The following CDAN1 variants were observed in gnomAD, a reference collection of about 807,000 sequenced individuals.
The protein encoded by CDAN1 is codanin 1.
CDAN1 carries 107 observed loss-of-function variants against 139.8 expected under a neutral mutation model. That is an observed-to-expected ratio of 0.77 (90% CI 0.65 to 0.90). The LOEUF is 0.90. Among genes scored for constraint, CDAN1 ranks in the 40% least tolerant of loss-of-function variants. The pLI is 0.00. For missense variants in CDAN1, 1,667 were observed against 1,575.7 expected, an observed-to-expected ratio of 1.06 and a Z score of -0.98; for synonymous variants, 776 against 660.6, an observed-to-expected ratio of 1.17 and a Z score of -2.68.
intron 8 of CDAN1, among the ~76,000 whole-genome samples, chr15:42,733,519 C>T (rs996447195): frequency 5.9e-5 from 9 of 152,164 alleles, no homozygotes; most frequent in South Asian, 2.1e-4. Flanking sequence ...TCAGGTGATC[C>T]GCCCCTCGGC....
In CDAN1 at chr15:42,735,986, C is replaced by T; in HGVS notation, c.662G>A (p.Ser221Asn). The change falls in exon 3 of 28, where the codon AGC becomes AAC. Residue 221 changes from serine to asparagine, a missense_variant. Around this residue, in one of 3 missense-constraint regions of CDAN1, gnomAD observed 487 missense variants for 422.2 expected, o/e 1.15. Coordinates refer to ENST00000356231, the MANE Select transcript of CDAN1 (RefSeq NM_138477.4). ...PKTCFTSPPI[S>N]CVPSSQPSAL... is the part of the protein sequence containing the mutation. ...TGAGGGTTGGGAACTGGGGACACAG[C>T]TGATTGGGGGTGAGGTGAAGCAGGT... 2 of 1,614,174 alleles carry T rather than the reference C, an allele frequency of 1.2e-6. No individual in the cohort carries two copies. Among genetic ancestry groups the T allele is most frequent in the Non-Finnish European group, 1.7e-6 (2 of 1,180,016 alleles).
intron 16 of CDAN1, 27 bp downstream of exon 16, chr15:42,729,769 T>G (rs771084402): frequency 6.2e-7 from 1 of 1,607,500 alleles, no homozygotes; most frequent in Non-Finnish European, 8.5e-7. Flanking sequence ...GAGTTTCCCA[T>G]GGCTCTGGCG....
Position 42,734,241 on chromosome 15 carries a change from C to G in CDAN1, c.1242G>C (p.Glu414Asp), listed in dbSNP as rs1470472984. The change falls in exon 7 of 28, where the codon GAG (glutamate) becomes GAC (aspartate). Residue 414 changes from glutamate to aspartate, a missense_variant. This residue lies in a region of CDAN1 where 244 missense variants were observed against 309.4 expected (regional missense o/e 0.79). Coordinates refer to ENST00000356231, the MANE Select transcript of CDAN1 (RefSeq NM_138477.4). ...GGGTTACTACCTTGGCAACACTGCC[C>G]TCATAGGCAGCTCGAAGGCGGCCTT... ...ALQGRLRAAY[E>D]GSVAKVSLVM... 5.0e-6 allele frequency: 8 copies of G among 1,614,096 alleles called. No individual in the cohort carries two copies. The Middle Eastern group carries it at 6.7e-4, about 135-fold the overall frequency.
intron 23 of CDAN1, among the ~76,000 whole-genome samples, 184 bp downstream of exon 23, chr15:42,727,437 A>AGGGC (rs1193595073): frequency 4.6e-5 from 7 of 152,248 alleles, no homozygotes; most frequent in Non-Finnish European, 7.3e-5. Flanking sequence ...GACAATTAGG[A>AGGGC]AAACCATTCA....
At chr15:42,726,788 CCT>C (rs1238106526) in intron 23 of CDAN1, 2 of 273,138 alleles carry the variant, frequency 7.3e-6, no homozygotes, top group South Asian at 5.3e-5. Flanking sequence ...GTCTCTCAAG[CCT>C]CTCTGTTCAT....
At chr15:42,735,785 G>T (rs2061679434) in intron 3 of CDAN1, 90 bp downstream of exon 3, 1 of 1,585,572 alleles carries the variant, frequency 6.3e-7, no homozygotes. Flanking sequence ...CAAACCCAGA[G>T]TCCCCAAGAG....
At chr15:42,730,404 C>CA (rs1358313192) in intron 14 of CDAN1, among the ~76,000 whole-genome samples, 189 bp from the exon 15 acceptor site, 1 of 152,238 alleles carries the variant, frequency 6.6e-6, no homozygotes, top group Non-Finnish European at 1.5e-5. Flanking sequence ...TCAGGAACAG[C>CA]ATGAGGCCAA....
Position 42,729,016 on chromosome 15 carries a change from C to CT in CDAN1, c.2645+6dup, listed in dbSNP as rs1264000019. On this transcript the variant is annotated splice_region_variant and intron_variant, in intron 19 of 27. Transcript: ENST00000356231. Reference sequence around the variant, plus strand: ...CGATGAGACCAGGATCCTTAACCCACTCTTACTTGATATGTTTGACACAGT... The same window carrying CT: ...CGATGAGACCAGGATCCTTAACCCACTTCTTACTTGATATGTTTGACACAGT... 1 of 1,613,658 alleles carries CT rather than the reference C, an allele frequency of 6.2e-7. No homozygotes were observed. Among genetic ancestry groups the CT allele is most frequent in the East Asian group, 2.2e-5 (1 of 44,890 alleles).
In CDAN1 at chr15:42,728,036, G is replaced by T. The variant is rs2061555350; in HGVS notation, c.2869-3C>A. 1 of 1,613,678 alleles carries T rather than the reference G, an allele frequency of 6.2e-7. No individual in the cohort carries two copies. Among genetic ancestry groups the T allele is most frequent in the Admixed American group, 1.7e-5 (1 of 59,990 alleles). ...ATGTTCTCTGCACTGCTCAGAACCT[G>T]CGAAACAGAACTACAGAGTCAGGGG... On this transcript the variant is annotated splice_region_variant and splice_polypyrimidine_tract_variant and intron_variant, in intron 21 of 27. Coordinates refer to ENST00000356231, the MANE Select transcript of CDAN1 (RefSeq NM_138477.4).
intron 6 of CDAN1, among the ~76,000 whole-genome samples, chr15:42,734,620 T>C (rs1009478395): frequency 2.0e-5 from 3 of 152,078 alleles, no homozygotes; most frequent in Admixed American, 2.0e-4. Context: ...TTTTTCTTTT[T>C]TTTTGAGATG....
rs1219152043 is a variant in CDAN1, at chr15:42,735,520, C to T, written c.933G>A (p.Ser311=). The part of the protein sequence containing the change: ...RLELVALVYS[S]CIAENLVPNL... ...TCCGCTCTCACTCACCAGCAATGCA[C>T]GAGGAGTAAACAAGGGCTACAAGCT... is the stretch of plus-strand genomic sequence containing the variant. Residue 311 remains serine (S), a synonymous_variant, in exon 4 of 28, where the codon TCG becomes TCA. Transcript: ENST00000356231. 2 of 1,614,214 alleles carry T rather than the reference C, an allele frequency of 1.2e-6. No individual in the cohort carries two copies. Among genetic ancestry groups the T allele is most frequent in the East Asian group, 2.2e-5 (1 of 44,890 alleles).
rs1243309002 is a variant in CDAN1, at chr15:42,724,568, G to A, written c.3607C>T (p.Pro1203Ser). 6 of 1,554,076 alleles carry A rather than the reference G, an allele frequency of 3.9e-6. No individual in the cohort carries two copies. Among genetic ancestry groups the A allele is most frequent in the South Asian group, 2.4e-5 (2 of 84,212 alleles). The change falls in exon 28 of 28, where the codon CCC (proline) becomes TCC (serine). Residue 1203 changes from proline to serine, a missense_variant. Pro to Ser is a moderately conservative substitution (Grantham distance 74). Coordinates refer to ENST00000356231, the MANE Select transcript of CDAN1 (RefSeq NM_138477.4). ...CTTAGCTGGGGTTCTGGCAGGTGGGGCTCGGCTAGAAACAGATTAGACAGT... is the reference window on the plus strand; with the variant it reads ...CTTAGCTGGGGTTCTGGCAGGTGGGACTCGGCTAGAAACAGATTAGACAGT... ...ATLSNLFLAE[P>S]HLPEPQLRAC...
chr15:42,729,379 C>A lies in CDAN1; in HGVS notation c.2408-17G>T, dbSNP rs2061578549. 1.2e-6 allele frequency: 2 copies of A among 1,613,976 alleles called. No individual in the cohort carries two copies. Among genetic ancestry groups the A allele is most frequent in the Admixed American group, 1.7e-5 (1 of 60,004 alleles). ...GGAGCTCTCCTGTATCAGTGAAGTC[C>A]AAGTTCTCAGTTCCAGAACCCTCTC... On this transcript the variant is annotated splice_polypyrimidine_tract_variant and intron_variant, in intron 17 of 27. Transcript: ENST00000356231.
chr15:42,736,592 G>T lies in CDAN1; in HGVS notation c.279C>A (p.Ser93Arg). ...PGRPGGPPRG[S>R]RGARSQLFPP... ...GGAAAAGCTGGCTGCGCGCCCCGCGGCTACCCCGCGGCGGGCCTCCCGGCC... is the reference window on the plus strand; with the variant it reads ...GGAAAAGCTGGCTGCGCGCCCCGCGTCTACCCCGCGGCGGGCCTCCCGGCC... The change falls in exon 2 of 28, where the codon AGC becomes AGA. Residue 93 changes from serine to arginine, a missense_variant. Ser to Arg is a moderately radical substitution (Grantham distance 110). Coordinates refer to ENST00000356231, the MANE Select transcript of CDAN1 (RefSeq NM_138477.4). 6.7e-7 allele frequency: 1 copy of T among 1,498,706 alleles called. No homozygotes were observed. The highest frequency in any genetic ancestry group is 1.3e-5 in the South Asian group (1 of 79,608). The allele number at this position is 1,498,706 out of a possible 1,614,324, so 92.8% of individuals were successfully genotyped here. A position where few individuals can be genotyped will look rare whatever the true frequency, so the allele number is the denominator to read the frequency against.
At position 42,731,640 on chromosome 15, in the gene CDAN1, G is replaced by A. The variant is rs1422286843; in HGVS notation, c.1719C>T (p.Asp573=). 1.2e-6 allele frequency: 2 copies of A among 1,614,020 alleles called. No homozygotes were observed. The highest frequency in any genetic ancestry group is 2.7e-5 in the African/African-American group (2 of 74,936). Residue 573 remains aspartate (D), a synonymous_variant, in exon 11 of 28, where the codon GAC becomes GAT. Coordinates refer to ENST00000356231, the MANE Select transcript of CDAN1 (RefSeq NM_138477.4). ...CCTACCTGCTGGCACTAAGGATGAAGTCCCTAAAGAAGCCTTGACAGCCTG... is the reference window on the plus strand; with the variant it reads ...CCTACCTGCTGGCACTAAGGATGAAATCCCTAAAGAAGCCTTGACAGCCTG... ...TFPGCQGFFR[D]FILSASSFQF...
intron 14 of CDAN1, 32 bp from the exon 15 acceptor site, chr15:42,730,247 A>T (rs568407244): frequency 6.3e-7 from 1 of 1,592,080 alleles, no homozygotes; most frequent in South Asian, 1.1e-5. Context: ...CACGGGTTTG[A>T]GCAGAAAGGG....
At position 42,724,451 on chromosome 15, in the gene CDAN1, G is replaced by C; in HGVS notation, c.*40C>G. ...GCCTCCTCGTGAGGCGGGGGTCCAG[G>C]GTTCTGGTGCAATGCCCAAGGCAGG... On this transcript the variant is annotated 3_prime_UTR_variant, in exon 28 of 28. Transcript: ENST00000356231. 1 of 1,565,180 alleles carries C rather than the reference G, an allele frequency of 6.4e-7. No individual in the cohort carries two copies. Among genetic ancestry groups the C allele is most frequent in the Admixed American group, 1.9e-5 (1 of 53,516 alleles).
Position 42,731,810 on chromosome 15 carries a change from C to T in CDAN1, c.1549G>A (p.Gly517Ser). Residue 517 changes from glycine (G) to serine (S), a missense_variant, in exon 11 of 28, where the codon GGT (glycine) becomes AGT (serine). Gly to Ser is a moderately conservative substitution (Grantham distance 56). Coordinates refer to ENST00000356231, the MANE Select transcript of CDAN1 (RefSeq NM_138477.4). ...KQLLQMCQSP[G>S]GAGGTVLGEA... is the part of the protein sequence containing the mutation. ...CCCAAGACGGTGCCCCCAGCACCAC[C>T]AGGGCTCTGACACATCTAGGGTGGA... The T allele has an allele frequency of 4.3e-6, 7 of 1,613,992 alleles. No homozygotes were observed. The highest frequency in any genetic ancestry group is 5.1e-6 in the Non-Finnish European group (6 of 1,179,956).
At position 42,730,631 on chromosome 15, in the gene CDAN1, C is replaced by T. The variant is rs375652610; in HGVS notation, c.2141G>A (p.Arg714Gln). The T allele has an allele frequency of 1.4e-5, 22 of 1,614,072 alleles. No homozygotes were observed. In the East Asian group the frequency reaches 1.6e-4, roughly 11 times the overall value. ...DHVVPLLEYY[R>Q]DIFTLLLRLH... Reference sequence around the variant, plus strand: ...GCGCAGCAGGAGAGTGAAGATGTCCCGGTAATATTCCAGCAAGGGAACAAC... The same window carrying T: ...GCGCAGCAGGAGAGTGAAGATGTCCTGGTAATATTCCAGCAAGGGAACAAC... Residue 714 changes from arginine to glutamine, a missense_variant, in exon 14 of 28, where the codon CGG becomes CAG. Arg to Gln is a conservative substitution (Grantham distance 43, BLOSUM62 1). Transcript: ENST00000356231.
Sources: gnomAD v4.1 joint callset for allele counts (sites outside exome capture counted in the v4.1 genomes callset) on GRCh38, gnomAD v4.1.1 for gene constraint, gnomAD v4.1.1 regional missense constraint, MANE v1.5 for transcripts, NCBI Gene and HGNC (gene_info 2026-07-23, HGNC 2026-07-21) for gene names.